Variants in ZFP64 observed in about 807,000 individuals in gnomAD.
ZFP64 encodes the protein zinc finger protein 64.
ZFP64 carries 14 observed loss-of-function variants against 51.6 expected under a neutral mutation model. The observed-to-expected ratio is 0.27, with a 90% CI of 0.18 to 0.42. The LOEUF is 0.42. Ranked by LOEUF, ZFP64 falls within the 10% of genes least tolerant of loss-of-function variation. ZFP64 has a pLI of 1.00. For synonymous variants in ZFP64, 375 were observed against 361.4 expected (o/e 1.04, Z -0.43); for missense variants, 754 against 906.8 (o/e 0.83, Z 2.16).
At chr20:52,122,414 G>A (rs1979232353) in intron 5 of ZFP64, among the ~76,000 whole-genome samples, 1 of 151,508 alleles carries the variant, frequency 6.6e-6, no homozygotes, top group Admixed American at 6.6e-5. Context: ...GCTGAGGCAG[G>A]AGAATGGCGT....
In ZFP64 at chr20:52,153,953, T is replaced by C. The variant is rs1981099253; in HGVS notation, c.764-525A>G. Among the ~76,000 whole-genome samples, 1 of 152,204 alleles carries C rather than the reference T, an allele frequency of 6.6e-6. No individual in the cohort carries two copies. The highest frequency in any genetic ancestry group is 2.1e-4 in the South Asian group (1 of 4,830). On this transcript the variant is annotated intron_variant, in intron 5 of 5. Transcript: ENST00000216923. This position sits in a 1 kb window ranked among gnomAD's most constrained non-coding sequence, Gnocchi z 5.1. Reference sequence around the variant, plus strand: ...GCAGATCTTTATTAATAAAGATGTGTTTCTTGCACAAAATTTATTTATCCC... The same window carrying C: ...GCAGATCTTTATTAATAAAGATGTGCTTCTTGCACAAAATTTATTTATCCC...
In ZFP64 at chr20:52,117,673, G is replaced by T. The variant is rs773379085; in HGVS notation, c.764-19086C>A. 3.9e-5 allele frequency: 18 copies of T among 456,598 alleles called. No individual in the cohort carries two copies. The Middle Eastern group carries it at 1.3e-3, about 33-fold the overall frequency. 28.3% of individuals were successfully genotyped at this position (456,598 alleles called of 1,614,324 possible). A position where few individuals can be genotyped will look rare whatever the true frequency, so the allele number is the denominator to read the frequency against. ...AAGATTCCCATGTGACTTCTTCTAT[G>T]AACAGTAAGTTTGAGAAGTGCAGCA... On this transcript the variant is annotated intron_variant, in intron 5 of 8. Coordinates refer to the ZFP64 transcript ENST00000361387.
intron 5 of ZFP64, among the ~76,000 whole-genome samples, chr20:52,112,276 A>C (rs1282727429): frequency 1.3e-5 from 2 of 152,162 alleles, no homozygotes; most frequent in East Asian, 3.8e-4. Context: ...TAGTACATAG[A>C]TACTACTCTA....
intron 1 of ZFP64, among the ~76,000 whole-genome samples, chr20:52,189,479 T>C (rs1216312927): frequency 3.3e-5 from 5 of 151,466 alleles, no homozygotes; most frequent in African/African-American, 1.2e-4. Context: ...CTAATTTTTT[T>C]CCTTTTTTTT....
At chr20:52,142,769 G>A (rs1476211031) in intron 5 of ZFP64, among the ~76,000 whole-genome samples, 2 of 131,826 alleles carry the variant, frequency 1.5e-5, no homozygotes. Context: ...GAACCCAGGA[G>A]GCGGAGGTTG....
chr20:52,104,432 T>G (rs1600709758), intron 5 of ZFP64, among the ~76,000 whole-genome samples: 1 of 152,186 alleles, frequency 6.6e-6, no homozygotes, highest in South Asian at 2.1e-4. Flanking sequence ...GGGGGCCGCC[T>G]GTTAAGTGCG....
intron 5 of ZFP64, among the ~76,000 whole-genome samples, chr20:52,142,523 G>T (rs887388865): frequency 6.6e-6 from 1 of 151,898 alleles, no homozygotes; most frequent in East Asian, 1.9e-4. Flanking sequence ...GCATGCACTT[G>T]TATCCCTTAA....
chr20:52,101,278 T>G (rs1428567410), intron 5 of ZFP64, among the ~76,000 whole-genome samples: 1 of 152,164 alleles, frequency 6.6e-6, no homozygotes, highest in African/African-American at 2.4e-5. Flanking sequence ...ATGGGTTCAG[T>G]GTAGTTTCCC....
chr20:52,126,616 C>T (rs572357072), intron 5 of ZFP64, among the ~76,000 whole-genome samples: 1 of 152,290 alleles, frequency 6.6e-6, no homozygotes, highest in Non-Finnish European at 1.5e-5. Flanking sequence ...GAGCATTCAA[C>T]ATATCAATCT....
Position 52,151,743 on chromosome 20 carries a change from T to C in ZFP64, c.*403A>G, listed in dbSNP as rs1349387418. On this transcript the variant is annotated 3_prime_UTR_variant, in exon 6 of 6. Transcript: ENST00000216923. Reference sequence around the variant, plus strand: ...ATGGGGCCAGGGGGATTCACAACCATCCTTAAAAACATTAAGAGCAAACCA... The same window carrying C: ...ATGGGGCCAGGGGGATTCACAACCACCCTTAAAAACATTAAGAGCAAACCA... 3 of 1,018,980 alleles carry C rather than the reference T, an allele frequency of 2.9e-6. No individual in the cohort carries two copies. Among genetic ancestry groups the C allele is most frequent in the Non-Finnish European group, 3.5e-6 (3 of 849,552 alleles). The allele number at this position is 1,018,980 out of a possible 1,614,324, so 63.1% of individuals were successfully genotyped here.
At chr20:52,102,634 T>G (rs2079065459) in intron 5 of ZFP64, among the ~76,000 whole-genome samples, 1 of 152,124 alleles carries the variant, frequency 6.6e-6, no homozygotes, top group Admixed American at 6.5e-5. Context: ...CAAGCAAGAC[T>G]GAAAACAAAT....
At chr20:52,098,172 CAAA>C (rs34173401) in intron 6 of ZFP64, among the ~76,000 whole-genome samples, 3 of 124,082 alleles carry the variant, frequency 2.4e-5, no homozygotes, top group Non-Finnish European at 3.3e-5. Context: ...AAACTGTCTC[CAAA>C]AAAAAAAAAA....
intron 5 of ZFP64, among the ~76,000 whole-genome samples, chr20:52,119,044 C>T (rs12480343): frequency 0.21 from 31,211 of 151,900 alleles, 3,608 homozygotes; most frequent in Admixed American, 0.27. Flanking sequence ...CAAAAAAGGT[C>T]GAGGGCAGGA....
At chr20:52,100,947 T>C (rs546580358) in intron 5 of ZFP64, among the ~76,000 whole-genome samples, 11 of 152,314 alleles carry the variant, frequency 7.2e-5, no homozygotes, top group Admixed American at 7.2e-4. Context: ...CTAGCAGTTG[T>C]GCTCGAAGCC....
At chr20:52,122,695 T>C (rs1209834101) in intron 5 of ZFP64, among the ~76,000 whole-genome samples, 1 of 152,070 alleles carries the variant, frequency 6.6e-6, no homozygotes, top group Non-Finnish European at 1.5e-5. Flanking sequence ...AAGAAGTTGA[T>C]TCCAAATGTC....
chr20:52,134,020 T>C, intron 5 of ZFP64, among the ~76,000 whole-genome samples: 1 of 124,598 alleles, frequency 8.0e-6, no homozygotes. Context: ...CAGAGTGAGA[T>C]CCTGTCTCAA....
intron 7 of ZFP64, among the ~76,000 whole-genome samples, chr20:52,094,949 C>T (rs1037203526): frequency 3.9e-5 from 6 of 152,086 alleles, no homozygotes; most frequent in Admixed American, 6.5e-5. Flanking sequence ...ATGCCCATGA[C>T]GGGGAATAAG....
chr20:52,116,391 C>A (rs979933068), intron 5 of ZFP64, among the ~76,000 whole-genome samples: 2 of 151,828 alleles, frequency 1.3e-5, no homozygotes, highest in African/African-American at 4.8e-5. Flanking sequence ...TTGCCTCGGC[C>A]TCCCAAAGTG....
chr20:52,143,534 A>T lies in ZFP64; in HGVS notation c.763+16589T>A, dbSNP rs1441997365. Among the ~76,000 whole-genome samples the T allele has an allele frequency of 1.0e-4, 14 of 139,484 alleles. 3 individuals are homozygous for T. The highest frequency in any genetic ancestry group is 3.3e-4 in the African/African-American group (13 of 39,084). 91.5% of individuals were successfully genotyped at this position (139,484 alleles called of 152,430 possible). On this transcript the variant is annotated intron_variant, in intron 5 of 8. Coordinates refer to the ZFP64 transcript ENST00000361387. ...ATTGTTGTTTTTGAGCTATTTTACG[A>T]CTTAGTTTTTTTTTTTTTAGACACA... is the stretch of plus-strand genomic sequence containing the variant.
Sources: allele counts gnomAD v4.1 joint callset (sites outside exome capture counted in the v4.1 genomes callset), GRCh38; gene constraint gnomAD v4.1.1; non-coding constraint Gnocchi (gnomAD v3.1); transcripts MANE v1.5; gene names NCBI Gene and HGNC (gene_info 2026-07-23, HGNC 2026-07-21).